Variants in CPSF4L observed in about 807,000 individuals in gnomAD.
The protein encoded by CPSF4L is cleavage and polyadenylation specific factor 4 like.
CPSF4L carries 18 observed loss-of-function variants against 24.0 expected under a neutral mutation model. The observed-to-expected ratio is 0.75, with a 90% CI of 0.52 to 1.11. The LOEUF (loss-of-function observed/expected upper bound fraction) is 1.11. CPSF4L is among the 50% of genes least tolerant of loss of function. The pLI is 0.00. For synonymous variants in CPSF4L, 72 were observed against 77.2 expected, an observed-to-expected ratio of 0.93 and a Z score of 0.35; for missense variants, 211 against 221.8, an observed-to-expected ratio of 0.95 and a Z score of 0.31.
At chr17:73,256,091 C>A (rs2062024033) in intron 3 of CPSF4L, among the ~76,000 whole-genome samples, 1 of 152,190 alleles carries the variant, frequency 6.6e-6, no homozygotes, top group South Asian at 2.1e-4. Context: ...CAAGTCTGTC[C>A]TCTACTAATT....
upstream of CPSF4L, chr17:73,262,167 C>G (rs1167388018): frequency 4.5e-6 from 1 of 223,404 alleles, no homozygotes; most frequent in Non-Finnish European, 9.0e-6. Flanking sequence ...ATTACCAAAC[C>G]TGGGCTCATA....
In CPSF4L at chr17:73,248,966, C is replaced by T. The variant is rs1371861825; in HGVS notation, c.498-430G>A. The T allele has an allele frequency of 6.1e-5, 10 of 163,488 alleles. No individual in the cohort carries two copies. In the South Asian group the frequency reaches 1.3e-3, roughly 21 times the overall value. 10.1% of individuals were successfully genotyped at this position (163,488 alleles called of 1,614,324 possible). ...TATTTGTAAAATATAAAAAGTACTC[C>T]CCTGAGCTGATTATATGCCTCTTCT... is the stretch of plus-strand genomic sequence containing the variant. On this transcript the variant is annotated intron_variant, in intron 5 of 5. Transcript: ENST00000344935.
At chr17:73,245,110 G>A (rs970087566), downstream of CPSF4L, 1 of 1,527,050 alleles carries the variant, frequency 6.5e-7, no homozygotes, top group Non-Finnish European at 9.1e-7. Flanking sequence ...GCAAAAGATA[G>A]TAACAGTCAT....
At chr17:73,259,784 C>T (rs1270476075) in intron 2 of CPSF4L, among the ~76,000 whole-genome samples, 1 of 152,206 alleles carries the variant, frequency 6.6e-6, no homozygotes, top group African/African-American at 2.4e-5. Flanking sequence ...CTTTCCTGGT[C>T]CCCTCCAGCC....
chr17:73,261,916 C>T (rs2062048268), upstream of CPSF4L: 1 of 865,044 alleles, frequency 1.2e-6, no homozygotes, highest in South Asian at 1.5e-5. Context: ...CGCCCAATGC[C>T]TCCCCCTTCA....
intron 2 of CPSF4L, 51 bp downstream of exon 2, chr17:73,260,878 TCAGA>T (rs2062042378): frequency 2.7e-6 from 4 of 1,458,574 alleles, no homozygotes. Context: ...TGGGTGTAGC[TCAGA>T]CAGACCCTAC....
chr17:73,263,183 A>G (rs1430173489), upstream of CPSF4L, among the ~76,000 whole-genome samples: 1 of 152,198 alleles, frequency 6.6e-6, no homozygotes, highest in African/African-American at 2.4e-5. Flanking sequence ...CTGTCAACAC[A>G]GGCTCATTAA....
At chr17:73,249,212 T>TA (rs1352823479) in intron 5 of CPSF4L, among the ~76,000 whole-genome samples, 2 of 152,198 alleles carry the variant, frequency 1.3e-5, no homozygotes, top group Non-Finnish European at 2.9e-5. Flanking sequence ...ATACTATATA[T>TA]AAATTCCAAC....
chr17:73,242,304 C>T, the CPSF4L span: 1 of 1,606,416 alleles, frequency 6.2e-7, no homozygotes, highest in South Asian at 1.1e-5. Context: ...GCCGGACTTA[C>T]AACCTCCAAC....
chr17:73,243,962 C>G (rs1366577139), downstream of CPSF4L, among the ~76,000 whole-genome samples: 2 of 152,144 alleles, frequency 1.3e-5, no homozygotes, highest in East Asian at 3.8e-4. Flanking sequence ...ACCTTTACAC[C>G]ACAAAAGAGA....
At position 73,250,472 on chromosome 17, in the gene CPSF4L, C is replaced by T. The variant is rs372192934; in HGVS notation, c.498-1936G>A. Among the ~76,000 whole-genome samples the T allele has an allele frequency of 3.9e-5, 6 of 152,264 alleles. No individual in the cohort carries two copies. In the South Asian group the frequency reaches 8.3e-4, roughly 21 times the overall value. ...AGCCCAGCATCACAATCCCAGAGAA[C>T]GAGGCTGGCACATAAAAGCAACTGT... is the stretch of plus-strand genomic sequence containing the variant. On this transcript the variant is annotated intron_variant, in intron 5 of 5. Coordinates refer to ENST00000344935, the MANE Select transcript of CPSF4L (RefSeq NM_001129885.1).
the CPSF4L span, chr17:73,242,407 G>A: frequency 1.6e-6 from 2 of 1,233,572 alleles, no homozygotes; most frequent in Non-Finnish European, 2.3e-6. Context: ...ATTTGGAAAA[G>A]TTTCTCTTCG....
chr17:73,256,273 T>C (rs1247459934), intron 3 of CPSF4L, among the ~76,000 whole-genome samples: 13 of 152,208 alleles, frequency 8.5e-5, no homozygotes, highest in African/African-American at 2.4e-5. Context: ...TGGATAAACA[T>C]TGTCCTTTCA....
chr17:73,243,459 C>T (rs9890798), downstream of CPSF4L, among the ~76,000 whole-genome samples: 130,732 of 152,046 alleles, frequency 0.86, 56,518 homozygotes, highest in Non-Finnish European at 0.9. Flanking sequence ...TGGCAGGCTC[C>T]GGGGTTTTAT....
the CPSF4L span, chr17:73,242,407 GT>G: frequency 8.1e-7 from 1 of 1,233,572 alleles, no homozygotes; most frequent in Non-Finnish European, 1.1e-6. Context: ...ATTTGGAAAA[GT>G]TTCTCTTCGG....
the CPSF4L span, chr17:73,242,748 G>A: frequency 9.6e-6 from 6 of 623,016 alleles, no homozygotes; most frequent in Non-Finnish European, 1.7e-5. Flanking sequence ...GTTCTTTGAT[G>A]TTAGCCTTTA....
chr17:73,255,229 G>A (rs2062020312), intron 3 of CPSF4L, among the ~76,000 whole-genome samples: 1 of 152,150 alleles, frequency 6.6e-6, no homozygotes, highest in African/African-American at 2.4e-5. Context: ...GCCAGGCACA[G>A]TGGCTCATGC....
intron 3 of CPSF4L, among the ~76,000 whole-genome samples, chr17:73,255,662 T>C (rs1241889490): frequency 6.6e-6 from 1 of 152,168 alleles, no homozygotes; most frequent in Non-Finnish European, 1.5e-5. Flanking sequence ...CTCACGTTCA[T>C]GAAGGGTTCA....
rs969616327 is a variant in CPSF4L, at chr17:73,254,013, G to C, written c.321C>G (p.Asn107Lys). The C allele has an allele frequency of 1.9e-6, 3 of 1,551,522 alleles. No individual in the cohort carries two copies. The highest frequency in any genetic ancestry group is 2.0e-5 in the Admixed American group (1 of 51,008). ...YFYSKFGDCS[N>K]KECSFLHVKP... is the part of the protein sequence containing the mutation. ...TCACATGGAGGAAGGAACACTCCTT[G>C]TTGCTGCAGTCACCTGAAAATCCCA... The change falls in exon 4 of 6, where the codon AAC (asparagine) becomes AAG (lysine). Residue 107 changes from asparagine to lysine, a missense_variant. Transcript: ENST00000344935.
Sources: allele counts gnomAD v4.1 joint callset (sites outside exome capture counted in the v4.1 genomes callset), GRCh38; gene constraint gnomAD v4.1.1; transcripts MANE v1.5; gene names NCBI Gene and HGNC (gene_info 2026-07-23, HGNC 2026-07-21).